The following SLC24A3 variants were observed in gnomAD, a reference collection of about 807,000 sequenced individuals.
SLC24A3 encodes the protein solute carrier family 24 member 3.
Under a neutral mutation model 75.8 loss-of-function variants are expected in SLC24A3, and 28 were observed. The observed-to-expected ratio is 0.37, with a 90% CI of 0.27 to 0.51. SLC24A3 has a LOEUF of 0.51. SLC24A3 is among the 20% of genes least tolerant of loss of function. The pLI, the probability that SLC24A3 is intolerant of heterozygous loss-of-function variation, is 0.94. For synonymous variants in SLC24A3, 372 were observed against 334.1 expected (o/e 1.11, Z -1.24); for missense variants, 663 against 847.8 (o/e 0.78, Z 2.71).
rs1235674298 is a variant in SLC24A3 at position 19,708,693 on chromosome 20, A to AGAT, written c.1720-8835_1720-8834insGAT. Among the ~76,000 whole-genome samples, 11 of 152,206 alleles carry AGAT rather than the reference A, an allele frequency of 7.2e-5. 1 individual carries two copies. Among genetic ancestry groups the AGAT allele is most frequent in the Non-Finnish European group, 1.3e-4 (9 of 68,044 alleles). On this transcript the variant is annotated intron_variant, in intron 15 of 16. Transcript: ENST00000328041. ...CCACTGCTAGGGTCTCCTACAAACT[A>AGAT]TCCCCACAGGACCTAGATAGGTAAC...
chr20:19,482,108 T>C (rs902106243), intron 2 of SLC24A3, among the ~76,000 whole-genome samples: 4 of 152,198 alleles, frequency 2.6e-5, no homozygotes, highest in Non-Finnish European at 5.9e-5. Flanking sequence ...AGAATGATCC[T>C]TCAAGAAATT....
intron 3 of SLC24A3, among the ~76,000 whole-genome samples, chr20:19,557,987 AGGTGGATGGATG>A (rs1249869201): frequency 6.6e-6 from 1 of 152,168 alleles, no homozygotes; most frequent in Non-Finnish European, 1.5e-5. Context: ...ATGCATGGGT[AGGTGGATGGATG>A]GGTGGATGGA....
chr20:19,562,058 C>A (rs1465565725), intron 3 of SLC24A3, among the ~76,000 whole-genome samples: 1 of 152,158 alleles, frequency 6.6e-6, no homozygotes, highest in Non-Finnish European at 1.5e-5. Flanking sequence ...TTCTCTCATG[C>A]TTCAGCATGC....
intron 6 of SLC24A3, among the ~76,000 whole-genome samples, chr20:19,606,104 C>G (rs958241915): frequency 6.6e-6 from 1 of 152,242 alleles, no homozygotes; most frequent in Non-Finnish European, 1.5e-5. Flanking sequence ...GCCTTCCTCT[C>G]CATCAGGGCC....
At chr20:19,388,633 A>AC (rs1472311993) in intron 2 of SLC24A3, among the ~76,000 whole-genome samples, 2 of 152,052 alleles carry the variant, frequency 1.3e-5, no homozygotes, top group African/African-American at 4.8e-5. Flanking sequence ...AATGGTGTGA[A>AC]CCCGGGAGAT....
intron 3 of SLC24A3, among the ~76,000 whole-genome samples, chr20:19,553,272 C>T (rs1414287673): frequency 6.6e-6 from 1 of 152,010 alleles, no homozygotes; most frequent in African/African-American, 2.4e-5. Flanking sequence ...TGTGTGTGCA[C>T]CTTTGTGTGT....
At chr20:19,694,816 G>A (rs887683865) in intron 13 of SLC24A3, 4 of 152,360 alleles carry the variant, frequency 2.6e-5, no homozygotes, top group African/African-American at 9.7e-5. Flanking sequence ...CCAGCCACCT[G>A]AGCAGTCTGC....
chr20:19,681,773 G>T, intron 9 of SLC24A3, 85 bp from the exon 10 acceptor site: 1 of 1,602,988 alleles, frequency 6.2e-7, no homozygotes, highest in South Asian at 1.1e-5. Context: ...CAGACTGGGA[G>T]AGCTCTCAGA....
chr20:19,716,156 C>CGA (rs2033044381), intron 15 of SLC24A3, among the ~76,000 whole-genome samples: 1 of 152,160 alleles, frequency 6.6e-6, no homozygotes, highest in Non-Finnish European at 1.5e-5. Flanking sequence ...AACAAGTTCC[C>CGA]GAGAGCTGCT....
At chr20:19,547,835 T>C (rs1167195228) in intron 3 of SLC24A3, among the ~76,000 whole-genome samples, 2 of 152,262 alleles carry the variant, frequency 1.3e-5, no homozygotes, top group Non-Finnish European at 2.9e-5. Context: ...GTTGCAGCTC[T>C]GTCCTCTCTC....
At chr20:19,497,760 A>G (rs558464482) in intron 2 of SLC24A3, among the ~76,000 whole-genome samples, 1 of 152,214 alleles carries the variant, frequency 6.6e-6, no homozygotes, top group Non-Finnish European at 1.5e-5. Context: ...TCTCATGAGG[A>G]TCAGGAAAGA....
At chr20:19,444,139 T>G (rs1987341261) in intron 2 of SLC24A3, among the ~76,000 whole-genome samples, 1 of 152,242 alleles carries the variant, frequency 6.6e-6, no homozygotes, top group South Asian at 2.1e-4. Flanking sequence ...ATTACATTAA[T>G]TGATTTCAAA....
chr20:19,376,287 G>A (rs545322491), intron 2 of SLC24A3, among the ~76,000 whole-genome samples: 8 of 152,246 alleles, frequency 5.3e-5, no homozygotes, highest in South Asian at 2.1e-4. Flanking sequence ...GGTGCTAGGC[G>A]CCACATTCAA....
chr20:19,388,801 A>G (rs1390341709), intron 2 of SLC24A3, among the ~76,000 whole-genome samples: 1 of 152,148 alleles, frequency 6.6e-6, no homozygotes. Context: ...TGTAGTTAGC[A>G]TATGGTCAGC....
At chr20:19,363,976 T>C (rs1985840297) in intron 2 of SLC24A3, among the ~76,000 whole-genome samples, 1 of 151,920 alleles carries the variant, frequency 6.6e-6, no homozygotes, top group Non-Finnish European at 1.5e-5. Flanking sequence ...TGATTGGCTG[T>C]CTTTAGGGAG....
chr20:19,609,137 G>A (rs567680252), intron 6 of SLC24A3, among the ~76,000 whole-genome samples: 106 of 152,254 alleles, frequency 7.0e-4, no homozygotes, highest in African/African-American at 2.4e-3. Context: ...ATGGAGACTT[G>A]GAAAACTTGA....
chr20:19,337,056 C>T (rs1160899934), intron 2 of SLC24A3, among the ~76,000 whole-genome samples: 1 of 152,100 alleles, frequency 6.6e-6, no homozygotes, highest in Non-Finnish European at 1.5e-5. Context: ...TATTAAATCC[C>T]AATTCTTGTG....
intron 3 of SLC24A3, among the ~76,000 whole-genome samples, chr20:19,550,239 A>T (rs2030668520): frequency 6.6e-6 from 1 of 152,160 alleles, no homozygotes; most frequent in Admixed American, 6.5e-5. Flanking sequence ...CTACACTCTT[A>T]ATTTTTCTAC....
chr20:19,484,535 T>A (rs979356853), intron 2 of SLC24A3, among the ~76,000 whole-genome samples: 1 of 152,242 alleles, frequency 6.6e-6, no homozygotes, highest in Admixed American at 6.5e-5. Context: ...CTGATGTATG[T>A]TACACAACGG....
Sources: allele counts gnomAD v4.1 joint callset (sites outside exome capture counted in the v4.1 genomes callset), GRCh38; gene constraint gnomAD v4.1.1; transcripts MANE v1.5; gene names NCBI Gene and HGNC (gene_info 2026-07-23, HGNC 2026-07-21).